The following GOLT1B variants were observed in gnomAD, a reference collection of about 807,000 sequenced individuals.
GOLT1B encodes vesicle transport protein GOT1B.
A neutral mutation model predicts 15.4 loss-of-function variants in GOLT1B; 3 were observed. The ratio of observed to expected loss-of-function variants is 0.19; its 90% CI spans 0.09 to 0.50. The LOEUF (loss-of-function observed/expected upper bound fraction) is 0.50. Among genes scored for constraint, GOLT1B ranks in the 20% least tolerant of loss-of-function variants. The probability of loss-of-function intolerance (pLI) is 0.97; values close to 1 mark genes in which losing one functional copy is unlikely to be tolerated. For missense variants in GOLT1B, 145 were observed against 160.4 expected, an observed-to-expected ratio of 0.90 and a Z score of 0.52; for synonymous variants, 65 against 56.2, an observed-to-expected ratio of 1.16 and a Z score of -0.70.
chr12:21,514,126 A>G lies in GOLT1B; in HGVS notation c.379-1543A>G, dbSNP rs78528559. ...CTAGAATTCAGCTGAGTTGGCTACA[A>G]TCCTTTTGGCTCTAGGTCAGACCCA... is the stretch of plus-strand genomic sequence containing the variant. On this transcript the variant is annotated intron_variant, in intron 4 of 4. Coordinates refer to ENST00000229314, the MANE Select transcript of GOLT1B (RefSeq NM_016072.5). 3.3e-5 allele frequency among the ~76,000 whole-genome samples: 5 copies of G among 152,310 alleles called. No homozygotes were observed. The East Asian group carries it at 9.6e-4, about 29-fold the overall frequency.
Position 21,515,785 on chromosome 12 carries a change from A to G in GOLT1B, c.*78A>G. ...TTTGAAGAATATTCAGCACAAAATTAAATTACATGAAATAGCTTGTAATGT... is the reference window on the plus strand; with the variant it reads ...TTTGAAGAATATTCAGCACAAAATTGAATTACATGAAATAGCTTGTAATGT... On this transcript the variant is annotated 3_prime_UTR_variant, in exon 5 of 5. Transcript: ENST00000229314. 1.4e-6 allele frequency: 1 copy of G among 717,892 alleles called. No homozygotes were observed. Among genetic ancestry groups the G allele is most frequent in the Non-Finnish European group, 2.4e-6 (1 of 409,312 alleles). 44.5% of individuals were successfully genotyped at this position (717,892 alleles called of 1,614,324 possible).
chr12:21,508,362 T>G, intron 2 of GOLT1B, 21 bp from the exon 3 acceptor site: 1 of 1,443,492 alleles, frequency 6.9e-7, no homozygotes. Context: ...TTTTCCGTGT[T>G]GTATTTTCTT....
intron 2 of GOLT1B, chr12:21,507,984 G>T: frequency 2.2e-6 from 1 of 453,554 alleles, no homozygotes; most frequent in South Asian, 1.6e-5. Flanking sequence ...GAACCAAGAG[G>T]AATACCCTTG....
In GOLT1B at chr12:21,515,736, A is replaced by C. The variant is rs753491916; in HGVS notation, c.*29A>C. 3 of 977,810 alleles carry C rather than the reference A, an allele frequency of 3.1e-6. No homozygotes were observed. The African/African-American group carries it at 4.9e-5, about 16-fold the overall frequency. 60.6% of individuals were successfully genotyped at this position (977,810 alleles called of 1,614,324 possible). ...CAAGTGAATTTGAAGACTCATTTAA[A>C]ATATTGTGTTATTTATAAAGTCATT... On this transcript the variant is annotated 3_prime_UTR_variant, in exon 5 of 5. Coordinates refer to ENST00000229314, the MANE Select transcript of GOLT1B (RefSeq NM_016072.5).
intron 1 of GOLT1B, among the ~76,000 whole-genome samples, chr12:21,505,700 G>A (rs1015409623): frequency 3.9e-5 from 6 of 152,102 alleles, no homozygotes; most frequent in African/African-American, 1.4e-4. Context: ...CTAGATTTTA[G>A]CTTTCTGGAG....
intron 4 of GOLT1B, among the ~76,000 whole-genome samples, chr12:21,513,318 G>A (rs569660046): frequency 3.1e-4 from 47 of 152,122 alleles, no homozygotes; most frequent in Non-Finnish European, 5.7e-4. Flanking sequence ...CAAATGTTTC[G>A]TACTAAACTG....
At chr12:21,509,859 T>G (rs1177012277) in intron 3 of GOLT1B, among the ~76,000 whole-genome samples, 2 of 152,206 alleles carry the variant, frequency 1.3e-5, no homozygotes, top group African/African-American at 4.8e-5. Flanking sequence ...TGTGATCAGT[T>G]GAAGGAAATG....
At chr12:21,512,138 A>G (rs922197147) in intron 3 of GOLT1B, among the ~76,000 whole-genome samples, 157 bp from the exon 4 acceptor site, 1 of 152,210 alleles carries the variant, frequency 6.6e-6, no homozygotes, top group African/African-American at 2.4e-5. Context: ...TTTACCAACA[A>G]TCACAAAATT....
intron 3 of GOLT1B, among the ~76,000 whole-genome samples, chr12:21,510,925 A>G (rs748390935): frequency 8.5e-5 from 13 of 152,174 alleles, no homozygotes; most frequent in East Asian, 3.8e-4. Flanking sequence ...GTCTTACCAC[A>G]ATCAACACAG....
chr12:21,502,640 T>A (rs1011709411), intron 1 of GOLT1B, among the ~76,000 whole-genome samples: 1 of 152,212 alleles, frequency 6.6e-6, no homozygotes, highest in Non-Finnish European at 1.5e-5. Flanking sequence ...CATCGCTCTC[T>A]GCCTGCCACA....
intron 1 of GOLT1B, among the ~76,000 whole-genome samples, chr12:21,503,068 G>T (rs1178642875): frequency 6.6e-6 from 1 of 152,218 alleles, no homozygotes; most frequent in Non-Finnish European, 1.5e-5. Flanking sequence ...CTGGACTGGG[G>T]CTGCCTCTTG....
chr12:21,511,684 G>T (rs1270623445), intron 3 of GOLT1B, among the ~76,000 whole-genome samples: 1 of 152,110 alleles, frequency 6.6e-6, no homozygotes, highest in African/African-American at 2.4e-5. Flanking sequence ...CAGAAAATGA[G>T]GTCAAAGACC....
chr12:21,507,314 C>A (rs1198898151), intron 2 of GOLT1B: 3 of 233,380 alleles, frequency 1.3e-5, no homozygotes, highest in African/African-American at 4.7e-5. Flanking sequence ...TTACTTTAAA[C>A]ATCCAAGACT....
intron 2 of GOLT1B, 190 bp from the exon 3 acceptor site, chr12:21,508,193 A>G: frequency 1.8e-6 from 1 of 564,674 alleles, no homozygotes; most frequent in Non-Finnish European, 3.1e-6. Flanking sequence ...CAAAGCTACA[A>G]CTTTAAAATG....
chr12:21,515,034 A>G (rs903694945), intron 4 of GOLT1B, among the ~76,000 whole-genome samples: 8 of 151,256 alleles, frequency 5.3e-5, no homozygotes, highest in African/African-American at 1.9e-4. Context: ...TTTGGGGTGG[A>G]GTAACCAAAG....
At chr12:21,515,324 GTTTT>G (rs199678829) in intron 4 of GOLT1B, 10 of 844,094 alleles carry the variant, frequency 1.2e-5, no homozygotes, top group Non-Finnish European at 1.8e-5. Flanking sequence ...TGACATTTCA[GTTTT>G]TTTTATGTTT....
At chr12:21,513,070 CAAAAAAAAA>C (rs58392364) in intron 4 of GOLT1B, among the ~76,000 whole-genome samples, 2 of 110,454 alleles carry the variant, frequency 1.8e-5, no homozygotes, top group Non-Finnish European at 3.7e-5. Flanking sequence ...GACCCTGTCT[CAAAAAAAAA>C]AAAAAAAAAA....
intron 3 of GOLT1B, among the ~76,000 whole-genome samples, chr12:21,511,720 C>T (rs1028239438): frequency 6.6e-6 from 1 of 152,218 alleles, no homozygotes; most frequent in African/African-American, 2.4e-5. Flanking sequence ...AGTATCACTA[C>T]ATATTTTAAG....
chr12:21,503,081 G>T (rs1402866899), intron 1 of GOLT1B, among the ~76,000 whole-genome samples: 1 of 152,186 alleles, frequency 6.6e-6, no homozygotes, highest in Non-Finnish European at 1.5e-5. Flanking sequence ...GCCTCTTGGG[G>T]CCACCTGCCC....
Sources: gnomAD v4.1 joint callset for allele counts (sites outside exome capture counted in the v4.1 genomes callset) on GRCh38, gnomAD v4.1.1 for gene constraint, MANE v1.5 for transcripts, NCBI Gene and HGNC (gene_info 2026-07-23, HGNC 2026-07-21) for gene names.